The following OVCH1 variants were observed in gnomAD, a reference collection of about 807,000 sequenced individuals.
OVCH1 encodes ovochymase 1.
Under a neutral mutation model 138.4 loss-of-function variants are expected in OVCH1, and 139 were observed. The observed-to-expected ratio is 1.00, with a 90% confidence interval of 0.87 to 1.16. The LOEUF is 1.16. Among genes scored for constraint, OVCH1 ranks in the 50% most tolerant of loss-of-function variants. OVCH1 has a pLI of 0.00. For synonymous variants in OVCH1, 453 were observed against 467.8 expected (o/e 0.97, Z 0.41); for missense variants, 1,367 against 1,357.9 (o/e 1.01, Z -0.11).
chr12:29,429,868 A>ATACTT (rs1941239362), intron 27 of OVCH1, among the ~76,000 whole-genome samples: 1 of 152,256 alleles, frequency 6.6e-6, no homozygotes, highest in Non-Finnish European at 1.5e-5. Flanking sequence ...AAACTGTAGC[A>ATACTT]TACTTTATTA....
intron 16 of OVCH1, among the ~76,000 whole-genome samples, chr12:29,469,715 TA>T (rs111496328): frequency 0.16 from 24,017 of 147,750 alleles, 2,008 homozygotes; most frequent in African/African-American, 0.23. Flanking sequence ...CCCCGTGTCT[TA>T]AAAAAAAAAA....
chr12:29,415,465 C>A (rs1941020542), intron 3 of OVCH1, among the ~76,000 whole-genome samples: 1 of 152,142 alleles, frequency 6.6e-6, no homozygotes, highest in South Asian at 2.1e-4. Context: ...TTATAAAATA[C>A]CACTGCTAGG....
chr12:29,430,540 G>A (rs1423930266), intron 27 of OVCH1, among the ~76,000 whole-genome samples: 1 of 152,150 alleles, frequency 6.6e-6, no homozygotes, highest in African/African-American at 2.4e-5. Flanking sequence ...TACATTCCTA[G>A]GAGGATTATG....
At chr12:29,474,074 T>TACACACACATAC (rs1758674036) in intron 14 of OVCH1, among the ~76,000 whole-genome samples, 2 of 145,192 alleles carry the variant, frequency 1.4e-5, no homozygotes, top group Admixed American at 7.0e-5. Flanking sequence ...CACACACACA[T>TACACACACATAC]ACACACACAC....
chr12:29,457,301 G>A (rs1941980639), intron 19 of OVCH1, among the ~76,000 whole-genome samples: 1 of 150,346 alleles, frequency 6.7e-6, no homozygotes, highest in Non-Finnish European at 1.5e-5. Flanking sequence ...AACATTCCAT[G>A]ATACAGGGAA....
chr12:29,424,406 T>G (rs1941149378), downstream of OVCH1, among the ~76,000 whole-genome samples: 1 of 152,246 alleles, frequency 6.6e-6, no homozygotes, highest in Non-Finnish European at 1.5e-5. Context: ...TGTCACAGTG[T>G]TGCAGAGATT....
chr12:29,457,851 G>A (rs12308214), intron 19 of OVCH1, among the ~76,000 whole-genome samples: 9,484 of 152,244 alleles, frequency 0.062, 893 homozygotes, highest in African/African-American at 0.21. Context: ...GTAGTTATAT[G>A]TTTGCTTACA....
rs989009861 is a variant in OVCH1 at position 29,491,220 on chromosome 12, C to G, written c.455-28G>C. The stretch of plus-strand genomic sequence containing the variant: ...GAGAAAACAACAAAGGCATGAGGTT[C>G]ATGGATAAATACGCCATGTTGAATA... On this transcript the variant is annotated intron_variant, in intron 4 of 27. Coordinates refer to ENST00000318184, the Ensembl canonical transcript of OVCH1. 2.6e-6 allele frequency: 4 copies of G among 1,554,686 alleles called. No individual in the cohort carries two copies. In the Admixed American group the frequency reaches 6.8e-5, roughly 26 times the overall value.
exon 7 of OVCH1, chr12:29,487,848 C>T (rs2136075972): frequency 6.2e-7 from 1 of 1,612,498 alleles, no homozygotes; most frequent in Middle Eastern, 1.6e-4. Context: ...GATTCCACCA[C>T]CTCTTCTACA....
Position 29,416,031 on chromosome 12 carries a change from A to G in OVCH1, c.*72-3306T>C, listed in dbSNP as rs142179513. 2.0e-5 allele frequency among the ~76,000 whole-genome samples: 3 copies of G among 152,038 alleles called. No homozygotes were observed. In the East Asian group the frequency reaches 5.8e-4, roughly 29 times the overall value. On this transcript the variant is annotated intron_variant and NMD_transcript_variant, in intron 3 of 4. Coordinates refer to the OVCH1 transcript ENST00000539117. ...ATGGCAAAGGCACAAAAGCAATTCAACAGATGGTGTTAGAGCAACTGGCTA... is the reference window on the plus strand; with the variant it reads ...ATGGCAAAGGCACAAAAGCAATTCAGCAGATGGTGTTAGAGCAACTGGCTA...
chr12:29,442,779 A>G (rs1364416217), intron 25 of OVCH1, among the ~76,000 whole-genome samples: 1 of 152,020 alleles, frequency 6.6e-6, no homozygotes, highest in East Asian at 1.9e-4. Context: ...TGTCAGCTAA[A>G]GTATGAGATA....
chr12:29,493,662 T>C (rs1943333676), intron 4 of OVCH1, among the ~76,000 whole-genome samples: 1 of 152,204 alleles, frequency 6.6e-6, no homozygotes, highest in South Asian at 2.1e-4. Flanking sequence ...ATTACATTTT[T>C]ATATTTTCAT....
At chr12:29,481,025 C>T (rs528799812) in intron 8 of OVCH1, among the ~76,000 whole-genome samples, 1 of 152,208 alleles carries the variant, frequency 6.6e-6, no homozygotes, top group Non-Finnish European at 1.5e-5. Flanking sequence ...TCTGTATACA[C>T]TTCTGTCAGT....
intron 7 of OVCH1, 135 bp from the exon 8 acceptor site, chr12:29,486,483 A>C: frequency 2.9e-6 from 2 of 687,374 alleles, no homozygotes; most frequent in Non-Finnish European, 4.7e-6. Flanking sequence ...ATCTTTTCTC[A>C]GAGTCAGTAA....
At chr12:29,445,426 G>A (rs748851307) in intron 22 of OVCH1, 23 bp from the exon 23 acceptor site, 20 of 1,583,998 alleles carry the variant, frequency 1.3e-5, no homozygotes, top group Non-Finnish European at 1.6e-5. Flanking sequence ...GTGAACTCTA[G>A]TAAAAAATAA....
chr12:29,454,844 G>T, exon 21 of OVCH1: 3 of 1,604,790 alleles, frequency 1.9e-6, no homozygotes, highest in Non-Finnish European at 2.6e-6. Flanking sequence ...TTATTACCTG[G>T]CCAAGATGCA....
downstream of OVCH1, among the ~76,000 whole-genome samples, chr12:29,427,393 C>T (rs999773172): frequency 6.6e-6 from 1 of 152,130 alleles, no homozygotes; most frequent in Admixed American, 6.5e-5. Context: ...GATAATACTC[C>T]ATCAGGCCAT....
intron 27 of OVCH1, among the ~76,000 whole-genome samples, chr12:29,432,901 A>G (rs1941294466): frequency 6.6e-6 from 1 of 152,204 alleles, no homozygotes; most frequent in Admixed American, 6.5e-5. Context: ...GGACTACCAA[A>G]TCTGGACTTG....
At chr12:29,430,849 A>G (rs1941254913) in intron 27 of OVCH1, 3 of 515,708 alleles carry the variant, frequency 5.8e-6, no homozygotes, top group South Asian at 1.4e-5. Flanking sequence ...ATCAGTTCAA[A>G]TTGTTACAAA....
Sources: gnomAD v4.1 joint callset for allele counts (sites outside exome capture counted in the v4.1 genomes callset) on GRCh38, gnomAD v4.1.1 for gene constraint, MANE v1.5 for transcripts, NCBI Gene and HGNC (gene_info 2026-07-23, HGNC 2026-07-21) for gene names.